Variants in TRMT11 observed in about 807,000 individuals in gnomAD.
TRMT11 encodes the protein tRNA methyltransferase 11, also known as tRNA (guanine(10)-N(2))-methyltransferase TRMT11.
A neutral mutation model predicts 62.8 loss-of-function variants in TRMT11; 53 were observed. The observed-to-expected ratio is 0.84, with a 90% CI of 0.68 to 1.06. The LOEUF (loss-of-function observed/expected upper bound fraction) is 1.06, where lower values mean the gene tolerates loss of function less well. Among genes scored for constraint, TRMT11 ranks in the 50% least tolerant of loss-of-function variants. The pLI is 0.00. For synonymous variants in TRMT11, 188 were observed against 190.3 expected (o/e 0.99, Z 0.10); for missense variants, 556 against 553.4 (o/e 1.00, Z -0.05).
At chr6:126,083,855 G>A (rs1777186536) in intron 17 of TRMT11, among the ~76,000 whole-genome samples, 1 of 152,028 alleles carries the variant, frequency 6.6e-6, no homozygotes, top group Non-Finnish European at 1.5e-5. Context: ...GCACATATAA[G>A]AGAAATTATT....
At chr6:126,146,099 C>T (rs575167125) in intron 21 of TRMT11, among the ~76,000 whole-genome samples, 1 of 152,322 alleles carries the variant, frequency 6.6e-6, no homozygotes, top group South Asian at 2.1e-4. Flanking sequence ...TTGCCTTCTT[C>T]CAAGCCAGTG....
intron 16 of TRMT11, among the ~76,000 whole-genome samples, chr6:126,051,173 G>A (rs1776207728): frequency 6.6e-6 from 1 of 152,224 alleles, no homozygotes; most frequent in South Asian, 2.1e-4. Context: ...CATAAGTACA[G>A]TTTAATGAAT....
chr6:126,204,242 T>C (rs1025932599), downstream of TRMT11, among the ~76,000 whole-genome samples: 13 of 152,230 alleles, frequency 8.5e-5, no homozygotes, highest in African/African-American at 3.1e-4. Flanking sequence ...TCTTGGGCTT[T>C]CCTCTGAAAC....
At chr6:126,036,032 A>G (rs748567081) in intron 12 of TRMT11, among the ~76,000 whole-genome samples, 3 of 152,066 alleles carry the variant, frequency 2.0e-5, no homozygotes, top group Admixed American at 6.6e-5. Context: ...CTGGAATCAC[A>G]TTTCTGTCCT....
At chr6:126,247,474 T>TATCTATC in the TRMT11 span, among the ~76,000 whole-genome samples, 14 of 146,752 alleles carry the variant, frequency 9.5e-5, no homozygotes, top group Non-Finnish European at 1.9e-4. Context: ...TCTATCTATC[T>TATCTATC]ATCTATCTAT....
At chr6:126,205,563 T>G (rs1336137867), downstream of TRMT11, among the ~76,000 whole-genome samples, 1 of 152,164 alleles carries the variant, frequency 6.6e-6, no homozygotes, top group Non-Finnish European at 1.5e-5. Flanking sequence ...AGCATGTTAT[T>G]TTAAAGATGA....
At chr6:126,090,415 C>A (rs1777261248) in intron 17 of TRMT11, among the ~76,000 whole-genome samples, 1 of 152,172 alleles carries the variant, frequency 6.6e-6, no homozygotes, top group Admixed American at 6.5e-5. Context: ...TCACCCTGAT[C>A]TGATTAGATT....
intron 21 of TRMT11, among the ~76,000 whole-genome samples, chr6:126,160,503 A>G (rs1778177164): frequency 6.6e-6 from 1 of 152,148 alleles, no homozygotes. Context: ...CTGGAGAGGT[A>G]AGAAGGACAG....
At chr6:126,177,700 A>G (rs775657320) in intron 1 of TRMT11, among the ~76,000 whole-genome samples, 2 of 152,122 alleles carry the variant, frequency 1.3e-5, no homozygotes, top group Non-Finnish European at 2.9e-5. Context: ...GACTACATAA[A>G]TACTATACAC....
chr6:126,268,097 G>A, the TRMT11 span, among the ~76,000 whole-genome samples: 1 of 152,136 alleles, frequency 6.6e-6, no homozygotes, highest in Non-Finnish European at 1.5e-5. Context: ...ATTATTTCAA[G>A]GAGGCTAAAG....
chr6:126,081,213 C>T (rs886235036), intron 17 of TRMT11, among the ~76,000 whole-genome samples: 1 of 152,172 alleles, frequency 6.6e-6, no homozygotes, highest in African/African-American at 2.4e-5. Context: ...ATAAACACAG[C>T]CCTTGGCACT....
At chr6:126,001,870 G>A (rs1792553019) in intron 7 of TRMT11, among the ~76,000 whole-genome samples, 1 of 151,798 alleles carries the variant, frequency 6.6e-6, no homozygotes, top group South Asian at 2.1e-4. Flanking sequence ...CCATGTATTT[G>A]TTTTTCTATT....
At chr6:126,234,708 G>A in the TRMT11 span, among the ~76,000 whole-genome samples, 1 of 152,014 alleles carries the variant, frequency 6.6e-6, no homozygotes, top group South Asian at 2.1e-4. Flanking sequence ...ATTAATATAT[G>A]TGTATTTCAG....
chr6:126,173,017 C>T (rs116750803), upstream of TRMT11, among the ~76,000 whole-genome samples: 949 of 152,208 alleles, frequency 6.2e-3, 15 homozygotes, highest in African/African-American at 0.021. Flanking sequence ...CATGAGGCCT[C>T]GCAATGCCCT....
Position 126,179,830 on chromosome 6 carries a change from G to T in TRMT11, n.143+2495G>T, listed in dbSNP as rs116835978. On this transcript the variant is annotated intron_variant and non_coding_transcript_variant, in intron 1 of 3. Coordinates refer to the TRMT11 transcript ENST00000444229. ...CTGTTTTCTGAAATATTGTTATAAG[G>T]TTCAAACACCTAAAAAATATGAACA... Among the ~76,000 whole-genome samples the T allele has an allele frequency of 9.8e-3, 1,490 of 152,092 alleles. 20 individuals are homozygous for T. The highest frequency in any genetic ancestry group is 0.034 in the African/African-American group (1,418 of 41,510).
At chr6:126,117,537 A>G (rs960892214) in intron 21 of TRMT11, among the ~76,000 whole-genome samples, 1 of 152,084 alleles carries the variant, frequency 6.6e-6, no homozygotes, top group Non-Finnish European at 1.5e-5. Context: ...AAACAGTATT[A>G]GTAATATTGC....
intron 21 of TRMT11, among the ~76,000 whole-genome samples, chr6:126,168,384 A>G (rs540415533): frequency 6.6e-6 from 1 of 152,354 alleles, no homozygotes; most frequent in African/African-American, 2.4e-5. Context: ...GTGAATGGAA[A>G]GAAAATGCTC....
chr6:126,013,965 T>C (rs1794636471), intron 11 of TRMT11, among the ~76,000 whole-genome samples: 2 of 152,200 alleles, frequency 1.3e-5, no homozygotes, highest in Admixed American at 6.5e-5. Flanking sequence ...TATTGGCTAT[T>C]ATGATTATCT....
chr6:126,240,901 G>C, the TRMT11 span, among the ~76,000 whole-genome samples: 1 of 152,212 alleles, frequency 6.6e-6, no homozygotes, highest in East Asian at 1.9e-4. Context: ...CTCAAGCCTC[G>C]GCAATGGTGG....
Sources: gnomAD v4.1 joint callset for allele counts (sites outside exome capture counted in the v4.1 genomes callset) on GRCh38, gnomAD v4.1.1 for gene constraint, MANE v1.5 for transcripts, NCBI Gene and HGNC (gene_info 2026-07-23, HGNC 2026-07-21) for gene names.